SH3RF3: variants seen among roughly 807,000 people sequenced by gnomAD.
The protein encoded by SH3RF3 is E3 ubiquitin-protein ligase SH3RF3.
A neutral mutation model predicts 66.3 loss-of-function variants in SH3RF3; 29 were observed. The observed-to-expected ratio is 0.44, with a 90% confidence interval of 0.33 to 0.60. The LOEUF (loss-of-function observed/expected upper bound fraction) is 0.60. Among genes scored for constraint, SH3RF3 ranks in the 20% least tolerant of loss-of-function variants. The pLI, the probability that SH3RF3 is intolerant of heterozygous loss-of-function variation, is 0.04. For missense variants in SH3RF3, 1,194 were observed against 1,190.9 expected (o/e 1.00, Z -0.04); for synonymous variants, 583 against 532.0 (o/e 1.10, Z -1.32).
At chr2:109,303,344 G>A (rs576873512) in intron 1 of SH3RF3, among the ~76,000 whole-genome samples, 2 of 152,336 alleles carry the variant, frequency 1.3e-5, no homozygotes, top group East Asian at 3.9e-4. Flanking sequence ...GACAAGGTGT[G>A]CGTTCAGTTG....
intron 1 of SH3RF3, among the ~76,000 whole-genome samples, chr2:109,215,813 G>C (rs13407118): frequency 0.045 from 6,851 of 152,234 alleles, 494 homozygotes; most frequent in African/African-American, 0.16. Flanking sequence ...CCTGTGTTCA[G>C]GTTGCACGAG....
At chr2:109,227,638 A>G (rs995968675) in intron 1 of SH3RF3, among the ~76,000 whole-genome samples, 21 of 152,122 alleles carry the variant, frequency 1.4e-4, no homozygotes, top group African/African-American at 5.1e-4. Flanking sequence ...GGCCATGCCC[A>G]CTGGCTTCAT....
chr2:109,132,662 G>A (rs1005570695), intron 1 of SH3RF3, among the ~76,000 whole-genome samples: 1 of 152,218 alleles, frequency 6.6e-6, no homozygotes, highest in Non-Finnish European at 1.5e-5. Flanking sequence ...GTGTTCATAT[G>A]TGTTACTTCT....
Position 109,449,389 on chromosome 2 carries a change from C to G in SH3RF3, c.2048C>G (p.Ala683Gly), listed in dbSNP as rs1415612191. The change falls in exon 8 of 10, where the codon GCA becomes GGA. Residue 683 changes from alanine to glycine, a missense_variant. Physicochemically the swap from Ala to Gly is moderately conservative, Grantham distance 60. Coordinates refer to ENST00000309415, the MANE Select transcript of SH3RF3 (RefSeq NM_001099289.3). ...ATCACACCTCCCAACGTCAGTGCCG[C>G]AAACCTCAACGGGGAGGCTGGAGGG... Reference protein sequence around the residue: ...SAITPPNVSAANLNGEAGGGP... With the variant: ...SAITPPNVSAGNLNGEAGGGP... 1 of 1,612,408 alleles carries G rather than the reference C, an allele frequency of 6.2e-7. No individual in the cohort carries two copies. Among genetic ancestry groups the G allele is most frequent in the South Asian group, 1.1e-5 (1 of 90,760 alleles).
At chr2:109,332,782 T>C (rs1439265854) in intron 1 of SH3RF3, among the ~76,000 whole-genome samples, 1 of 152,140 alleles carries the variant, frequency 6.6e-6, no homozygotes, top group Non-Finnish European at 1.5e-5. Flanking sequence ...GGTGCTAGTG[T>C]GGGTGGTGAG....
At chr2:109,354,142 G>A (rs969742114) in intron 2 of SH3RF3, among the ~76,000 whole-genome samples, 1 of 152,134 alleles carries the variant, frequency 6.6e-6, no homozygotes, top group Admixed American at 6.5e-5. Context: ...GGCTGAGGGA[G>A]TTTCTGAACT....
At chr2:109,385,138 A>T (rs1675791431) in intron 3 of SH3RF3, among the ~76,000 whole-genome samples, 1 of 152,090 alleles carries the variant, frequency 6.6e-6, no homozygotes, top group Non-Finnish European at 1.5e-5. Context: ...TTGGCATCAG[A>T]CAGTCGAGCA....
intron 3 of SH3RF3, among the ~76,000 whole-genome samples, chr2:109,388,929 A>G (rs755383319): frequency 2.6e-5 from 4 of 152,150 alleles, no homozygotes; most frequent in Non-Finnish European, 5.9e-5. Flanking sequence ...AGGAGGTAGC[A>G]GGTGAGAACA....
intron 1 of SH3RF3, among the ~76,000 whole-genome samples, chr2:109,227,968 G>A (rs1679410618): frequency 6.6e-6 from 1 of 152,200 alleles, no homozygotes; most frequent in South Asian, 2.1e-4. Context: ...TCTGGCTCAA[G>A]GGGCATGGGA....
At chr2:109,158,237 G>A (rs1677397829) in intron 1 of SH3RF3, among the ~76,000 whole-genome samples, 1 of 152,196 alleles carries the variant, frequency 6.6e-6, no homozygotes, top group Non-Finnish European at 1.5e-5. Flanking sequence ...AGGCTCCTGT[G>A]GATGACTGAC....
At chr2:109,190,458 G>A (rs140180000) in intron 1 of SH3RF3, among the ~76,000 whole-genome samples, 35 of 152,344 alleles carry the variant, frequency 2.3e-4, no homozygotes, top group East Asian at 1.3e-3. Context: ...ATAGGCGTGA[G>A]CCACTGCGCC....
intron 9 of SH3RF3, among the ~76,000 whole-genome samples, chr2:109,494,391 C>T (rs36128165): frequency 0.26 from 38,767 of 152,008 alleles, 5,301 homozygotes; most frequent in East Asian, 0.5. Flanking sequence ...CCCAGAAGTG[C>T]CCCCTCCCCT....
At chr2:109,136,167 G>A (rs1574468257) in intron 1 of SH3RF3, among the ~76,000 whole-genome samples, 2 of 151,980 alleles carry the variant, frequency 1.3e-5, no homozygotes, top group Admixed American at 6.6e-5. Context: ...GTGCATTTCC[G>A]TTTGATCTGT....
intron 2 of SH3RF3, among the ~76,000 whole-genome samples, chr2:109,359,704 C>G (rs1479215071): frequency 6.6e-6 from 1 of 152,136 alleles, no homozygotes; most frequent in Non-Finnish European, 1.5e-5. Flanking sequence ...GTGGAATATT[C>G]CACACCTGAC....
At chr2:109,177,600 A>G (rs1183047057) in intron 1 of SH3RF3, among the ~76,000 whole-genome samples, 2 of 152,132 alleles carry the variant, frequency 1.3e-5, no homozygotes, top group Non-Finnish European at 2.9e-5. Flanking sequence ...CAGAGAAAGA[A>G]CAAGGCCACA....
chr2:109,481,841 T>G (rs1258332574), intron 8 of SH3RF3, among the ~76,000 whole-genome samples: 2 of 152,126 alleles, frequency 1.3e-5, no homozygotes, highest in Non-Finnish European at 2.9e-5. Flanking sequence ...GCAAGGTGCC[T>G]GCCCAGGTCA....
At chr2:109,404,153 T>G (rs183256859) in intron 4 of SH3RF3, among the ~76,000 whole-genome samples, 1 of 152,010 alleles carries the variant, frequency 6.6e-6, no homozygotes, top group Non-Finnish European at 1.5e-5. Context: ...CCGAGACCAC[T>G]GCAGGATGGG....
At chr2:109,471,783 C>T (rs1393530328) in intron 8 of SH3RF3, among the ~76,000 whole-genome samples, 14 of 152,202 alleles carry the variant, frequency 9.2e-5, no homozygotes, top group Non-Finnish European at 1.5e-5. Flanking sequence ...TAGACTAATG[C>T]ACAGTCCTGG....
chr2:109,442,608 G>C (rs1227234136), intron 7 of SH3RF3, among the ~76,000 whole-genome samples: 1 of 152,062 alleles, frequency 6.6e-6, no homozygotes, highest in Non-Finnish European at 1.5e-5. Context: ...TGGAAGTTTG[G>C]TATACTACTG....
Sources: allele counts gnomAD v4.1 joint callset (sites outside exome capture counted in the v4.1 genomes callset), GRCh38; gene constraint gnomAD v4.1.1; transcripts MANE v1.5; gene names NCBI Gene and HGNC (gene_info 2026-07-23, HGNC 2026-07-21).